Variants in ADGRL2 observed in about 807,000 individuals in gnomAD.
The protein encoded by ADGRL2 is calcium-independent alpha-latrotoxin receptor 2.
Under a neutral mutation model 157.4 loss-of-function variants are expected in ADGRL2, and 44 were observed. The observed-to-expected ratio is 0.28, with a 90% CI of 0.22 to 0.36. The LOEUF is 0.36. Ranked by LOEUF, ADGRL2 falls within the 10% of genes least tolerant of loss-of-function variation. The pLI is 1.00. For synonymous variants in ADGRL2, 585 were observed against 624.7 expected, an observed-to-expected ratio of 0.94 and a Z score of 0.95; for missense variants, 1,510 against 1,768.9, an observed-to-expected ratio of 0.85 and a Z score of 2.63.
At chr1:81,414,450 G>A (rs978841190) in intron 1 of ADGRL2, 2 of 152,194 alleles carry the variant, frequency 1.3e-5, no homozygotes, top group African/African-American at 4.8e-5. Flanking sequence ...ACATTATAGA[G>A]CGTGATATGA....
intron 17 of ADGRL2, among the ~76,000 whole-genome samples, chr1:81,977,657 A>G (rs777194392): frequency 4.0e-5 from 6 of 151,740 alleles, no homozygotes; most frequent in Non-Finnish European, 7.4e-5. Context: ...TAAATTTTAT[A>G]CATTGTAGTG....
intron 1 of ADGRL2, among the ~76,000 whole-genome samples, chr1:81,330,665 C>A (rs1297075268): frequency 6.6e-6 from 1 of 152,126 alleles, no homozygotes; most frequent in Non-Finnish European, 1.5e-5. Context: ...TACACAAAAG[C>A]TGTTAACACA....
At chr1:81,391,100 G>A (rs2076543414) in intron 1 of ADGRL2, among the ~76,000 whole-genome samples, 1 of 152,422 alleles carries the variant, frequency 6.6e-6, no homozygotes, top group South Asian at 2.1e-4. Flanking sequence ...GCTGTTTGAA[G>A]TGTAACAGGC....
chr1:81,371,306 G>A (rs991483189), intron 1 of ADGRL2, among the ~76,000 whole-genome samples: 1 of 152,142 alleles, frequency 6.6e-6, no homozygotes, highest in African/African-American at 2.4e-5. Flanking sequence ...TAAATACCAA[G>A]TAAGGTTGAA....
intron 3 of ADGRL2, among the ~76,000 whole-genome samples, chr1:81,677,391 C>T (rs145948293): frequency 1.8e-4 from 28 of 152,202 alleles, no homozygotes; most frequent in African/African-American, 6.0e-4. Context: ...TTCATATAGC[C>T]GGAATAAAAC....
At chr1:81,635,208 C>T (rs1283049095) in intron 3 of ADGRL2, among the ~76,000 whole-genome samples, 1 of 152,180 alleles carries the variant, frequency 6.6e-6, no homozygotes, top group Non-Finnish European at 1.5e-5. Context: ...CCTTTATTGG[C>T]TTTCCTCTCT....
intron 3 of ADGRL2, among the ~76,000 whole-genome samples, chr1:81,602,118 C>CA (rs11448199): frequency 0.34 from 51,396 of 151,194 alleles, 8,958 homozygotes; most frequent in South Asian, 0.4. Flanking sequence ...GCTACTTAAA[C>CA]AAAAAAAAAT....
At chr1:81,392,902 G>A (rs1017797367) in intron 1 of ADGRL2, among the ~76,000 whole-genome samples, 1 of 151,986 alleles carries the variant, frequency 6.6e-6, no homozygotes, top group Non-Finnish European at 1.5e-5. Flanking sequence ...GATTCACAAT[G>A]TTTTTCTGAA....
At chr1:81,824,502 T>G (rs1489629681) in intron 1 of ADGRL2, among the ~76,000 whole-genome samples, 1 of 152,126 alleles carries the variant, frequency 6.6e-6, no homozygotes, top group Non-Finnish European at 1.5e-5. Context: ...CTTGAACTCC[T>G]GGGCTCAAGC....
intron 1 of ADGRL2, among the ~76,000 whole-genome samples, chr1:81,436,849 T>C (rs2077419022): frequency 6.6e-6 from 1 of 152,246 alleles, no homozygotes; most frequent in Non-Finnish European, 1.5e-5. Flanking sequence ...GATACCGTAT[T>C]GGCATTCATG....
At chr1:81,670,389 A>G (rs1256498983) in intron 3 of ADGRL2, among the ~76,000 whole-genome samples, 3 of 152,196 alleles carry the variant, frequency 2.0e-5, no homozygotes, top group African/African-American at 7.2e-5. Context: ...ATCTGATTGT[A>G]GAACTCCCAC....
chr1:81,409,158 T>C (rs2076907606), intron 1 of ADGRL2, among the ~76,000 whole-genome samples: 1 of 152,230 alleles, frequency 6.6e-6, no homozygotes, highest in Admixed American at 6.5e-5. Context: ...TACAAACCCC[T>C]GTTCTTTTTC....
intron 23 of ADGRL2, chr1:81,990,116 AT>A (rs1221720165): frequency 1.0e-6 from 1 of 985,276 alleles, no homozygotes; most frequent in Non-Finnish European, 1.2e-6. Context: ...ACCAAAATCA[AT>A]TAATCAGTAC....
chr1:81,504,847 T>A, intron 2 of ADGRL2, among the ~76,000 whole-genome samples: 1 of 152,140 alleles, frequency 6.6e-6, no homozygotes, highest in Non-Finnish European at 1.5e-5. Context: ...TTGCCAGAGG[T>A]TGAGCCGCCC....
chr1:81,348,082 G>C (rs1014849831), intron 1 of ADGRL2, among the ~76,000 whole-genome samples: 1 of 152,098 alleles, frequency 6.6e-6, no homozygotes, highest in African/African-American at 2.4e-5. Context: ...GAGGCCAAGT[G>C]AGTAGGGCCA....
chr1:81,865,092 C>G (rs1228193437), intron 2 of ADGRL2, among the ~76,000 whole-genome samples: 1 of 152,136 alleles, frequency 6.6e-6, no homozygotes, highest in Non-Finnish European at 1.5e-5. Flanking sequence ...CCCTTTTTCT[C>G]TATTTACTAT....
chr1:81,598,567 C>G (rs17106782), intron 3 of ADGRL2, among the ~76,000 whole-genome samples: 6,933 of 152,254 alleles, frequency 0.046, 226 homozygotes, highest in East Asian at 0.13. Context: ...CCAAGGTTTT[C>G]TGTCCATTTG....
chr1:81,522,052 C>T (rs975788249), intron 2 of ADGRL2, among the ~76,000 whole-genome samples: 8 of 151,098 alleles, frequency 5.3e-5, no homozygotes, highest in Non-Finnish European at 1.2e-4. Context: ...GCAGCCTCTG[C>T]CTCCTGGGTT....
intron 2 of ADGRL2, among the ~76,000 whole-genome samples, chr1:81,520,757 G>C (rs1392556788): frequency 6.6e-6 from 1 of 152,148 alleles, no homozygotes. Context: ...CAAATTACCA[G>C]TCTTGGGTAG....
Sources: allele counts gnomAD v4.1 joint callset (sites outside exome capture counted in the v4.1 genomes callset), GRCh38; gene constraint gnomAD v4.1.1; transcripts MANE v1.5; gene names NCBI Gene and HGNC (gene_info 2026-07-23, HGNC 2026-07-21).